STK24: variants seen among roughly 807,000 people sequenced by gnomAD.
STK24 encodes serine/threonine-protein kinase 24.
STK24 carries 21 observed loss-of-function variants against 55.6 expected under a neutral mutation model. That is an observed-to-expected ratio of 0.38 (90% confidence interval 0.27 to 0.54). The LOEUF (loss-of-function observed/expected upper bound fraction) is 0.54, where lower values mean the gene tolerates loss of function less well. Ranked by LOEUF, STK24 falls within the 20% of genes least tolerant of loss-of-function variation. The pLI, the probability that STK24 is intolerant of heterozygous loss-of-function variation, is 0.79. For synonymous variants in STK24, 200 were observed against 215.2 expected (o/e 0.93, Z 0.62); for missense variants, 383 against 538.4 (o/e 0.71, Z 2.86).
At chr13:98,525,351 G>A (rs561260136) in intron 1 of STK24, among the ~76,000 whole-genome samples, 13 of 152,316 alleles carry the variant, frequency 8.5e-5, no homozygotes, top group African/African-American at 2.9e-4. Flanking sequence ...AGGAAGCAAA[G>A]CCTAAGCCAG....
chr13:98,525,590 C>A (rs1405643966), intron 1 of STK24, among the ~76,000 whole-genome samples: 3 of 152,184 alleles, frequency 2.0e-5, no homozygotes, highest in Non-Finnish European at 4.4e-5. Context: ...CTTGTCCCTA[C>A]AGTGGAGCCG....
At chr13:98,526,236 A>C (rs1896424422) in intron 1 of STK24, among the ~76,000 whole-genome samples, 1 of 152,124 alleles carries the variant, frequency 6.6e-6, no homozygotes, top group Non-Finnish European at 1.5e-5. Context: ...CTGTATGTAT[A>C]ATTTTTTTCG....
At chr13:98,539,119 A>G (rs1414424891) in intron 1 of STK24, among the ~76,000 whole-genome samples, 1 of 152,030 alleles carries the variant, frequency 6.6e-6, no homozygotes, top group East Asian at 1.9e-4. Flanking sequence ...CTTTGTACAC[A>G]ATTTTCCATT....
chr13:98,461,072 G>A (rs1312048325), intron 8 of STK24, among the ~76,000 whole-genome samples: 1 of 151,030 alleles, frequency 6.6e-6, no homozygotes, highest in Non-Finnish European at 1.5e-5. Context: ...GAGAGAGAGA[G>A]AGAGAAAAGT....
intron 1 of STK24, among the ~76,000 whole-genome samples, chr13:98,551,435 C>T (rs1897157933): frequency 6.6e-6 from 1 of 152,018 alleles, no homozygotes; most frequent in East Asian, 1.9e-4. Flanking sequence ...CTTGGAACCC[C>T]CGTCATACTT....
intron 2 of STK24, among the ~76,000 whole-genome samples, chr13:98,497,479 C>T (rs1437312022): frequency 6.6e-6 from 1 of 152,224 alleles, no homozygotes; most frequent in Non-Finnish European, 1.5e-5. Flanking sequence ...GATACAGTGA[C>T]GATGCCCTAG....
intron 1 of STK24, among the ~76,000 whole-genome samples, chr13:98,571,240 A>G (rs1897731724): frequency 6.6e-6 from 1 of 152,170 alleles, no homozygotes; most frequent in Non-Finnish European, 1.5e-5. Flanking sequence ...ATCTTGCACC[A>G]GGGTCCTGGA....
intron 1 of STK24, among the ~76,000 whole-genome samples, chr13:98,560,208 G>C (rs1897383929): frequency 2.0e-5 from 3 of 152,202 alleles, no homozygotes; most frequent in Non-Finnish European, 4.4e-5. Context: ...CAGTCCTCGT[G>C]GGTCACTGGG....
chr13:98,574,882 G>A (rs1333081758), intron 1 of STK24, among the ~76,000 whole-genome samples: 1 of 151,864 alleles, frequency 6.6e-6, no homozygotes, highest in Non-Finnish European at 1.5e-5. Flanking sequence ...GAAAAGGTGA[G>A]ATACTAGATA....
intron 1 of STK24, among the ~76,000 whole-genome samples, chr13:98,571,336 A>G (rs1385234796): frequency 6.6e-6 from 1 of 152,154 alleles, no homozygotes; most frequent in East Asian, 1.9e-4. Flanking sequence ...CAAGAAGAGC[A>G]TCAAAGTCAG....
At chr13:98,507,744 GCAGGTCTC>G (rs1455580633) in intron 2 of STK24, among the ~76,000 whole-genome samples, 6 of 152,164 alleles carry the variant, frequency 3.9e-5, no homozygotes, top group Non-Finnish European at 7.4e-5. Flanking sequence ...ATATCCTGAG[GCAGGTCTC>G]CAGGTCTCCA....
At chr13:98,560,925 T>C (rs538678191) in intron 1 of STK24, among the ~76,000 whole-genome samples, 1 of 151,688 alleles carries the variant, frequency 6.6e-6, no homozygotes, top group East Asian at 1.9e-4. Context: ...AAAACCATAA[T>C]TCAGTCAGGC....
At chr13:98,558,761 A>G (rs1423956322) in intron 1 of STK24, among the ~76,000 whole-genome samples, 2 of 152,214 alleles carry the variant, frequency 1.3e-5, no homozygotes, top group Non-Finnish European at 1.5e-5. Context: ...TCGGGAATGT[A>G]TTTGGGAACA....
rs766854170 is a variant in STK24, at chr13:98,475,324, G to C, written c.365C>G (p.Ala122Gly). 9.3e-6 allele frequency: 15 copies of C among 1,613,164 alleles called. No homozygotes were observed. Reference protein sequence around the residue: ...EPGPLDETQIATILREILKGL... With the variant: ...EPGPLDETQIGTILREILKGL... Reference sequence around the variant, plus strand: ...TTTCAGTATTTCTCTTAATATAGTAGCGATCTGGGTTTCATCTAATGGGCC... The same window carrying C: ...TTTCAGTATTTCTCTTAATATAGTACCGATCTGGGTTTCATCTAATGGGCC... Residue 122 changes from alanine to glycine, a missense_variant, in exon 4 of 11, where the codon GCT (alanine) becomes GGT (glycine). Transcript: ENST00000539966.
At chr13:98,549,821 A>G (rs1027692373) in intron 1 of STK24, among the ~76,000 whole-genome samples, 1 of 152,222 alleles carries the variant, frequency 6.6e-6, no homozygotes, top group African/African-American at 2.4e-5. Flanking sequence ...AACCCTCATC[A>G]GCTAATCACC....
chr13:98,445,779 G>A lies in STK24; in HGVS notation c.*7394C>T, dbSNP rs9517307. On this transcript the variant is annotated 3_prime_UTR_variant, in exon 11 of 11. Coordinates refer to ENST00000539966, the MANE Select transcript of STK24 (RefSeq NM_001032296.4). The stretch of plus-strand genomic sequence containing the variant: ...GCCCACCCTACCCCAGTGTGATCTC[G>A]TCTTCACTAGTTACCCTGCAACGAG... 225,945 of 226,172 alleles carry A rather than the reference G, an allele frequency of 1. 112,859 individuals are homozygous for A. Among genetic ancestry groups the A allele is most frequent in the Middle Eastern group, 1 (672 of 672 alleles). 14.0% of individuals were successfully genotyped at this position (226,172 alleles called of 1,614,324 possible).
At chr13:98,565,484 T>C (rs1236563264) in intron 1 of STK24, among the ~76,000 whole-genome samples, 1 of 151,908 alleles carries the variant, frequency 6.6e-6, no homozygotes, top group East Asian at 1.9e-4. Context: ...ATACAAAAAT[T>C]AGCCTGGTGT....
chr13:98,520,844 C>T (rs571586968), intron 1 of STK24, among the ~76,000 whole-genome samples: 12 of 152,244 alleles, frequency 7.9e-5, no homozygotes, highest in African/African-American at 2.7e-4. Context: ...CAATGACACA[C>T]GAGCAGATAG....
At chr13:98,471,076 TCA>T (rs1433296706) in intron 5 of STK24, among the ~76,000 whole-genome samples, 2 of 152,214 alleles carry the variant, frequency 1.3e-5, no homozygotes, top group East Asian at 3.9e-4. Flanking sequence ...GTCTCCTGGT[TCA>T]CATTCTTCCC....
Sources: allele counts gnomAD v4.1 joint callset (sites outside exome capture counted in the v4.1 genomes callset), GRCh38; gene constraint gnomAD v4.1.1; transcripts MANE v1.5; gene names NCBI Gene and HGNC (gene_info 2026-07-23, HGNC 2026-07-21).